Variants in GALNTL6 observed in about 807,000 individuals in gnomAD.
GALNTL6 encodes the protein polypeptide N-acetylgalactosaminyltransferase-like 6.
Under a neutral mutation model 73.7 loss-of-function variants are expected in GALNTL6, and 46 were observed. The ratio of observed to expected loss-of-function variants is 0.62; its 90% CI spans 0.49 to 0.80. The LOEUF is 0.80. Ranked by LOEUF, GALNTL6 falls within the 30% of genes least tolerant of loss-of-function variation. GALNTL6 has a pLI of 0.00. For synonymous variants in GALNTL6, 259 were observed against 263.7 expected, an observed-to-expected ratio of 0.98 and a Z score of 0.17; for missense variants, 604 against 755.0, an observed-to-expected ratio of 0.80 and a Z score of 2.34.
chr4:172,054,723 C>A (rs1376795495), intron 2 of GALNTL6, among the ~76,000 whole-genome samples: 3 of 152,144 alleles, frequency 2.0e-5, no homozygotes, highest in Non-Finnish European at 4.4e-5. Context: ...CATAAACATT[C>A]AGTTTAAAGT....
At chr4:172,624,652 C>T (rs1739093121) in intron 5 of GALNTL6, among the ~76,000 whole-genome samples, 1 of 152,034 alleles carries the variant, frequency 6.6e-6, no homozygotes, top group African/African-American at 2.4e-5. Flanking sequence ...TAACAAGTAT[C>T]TACTGCTCTG....
intron 3 of GALNTL6, among the ~76,000 whole-genome samples, chr4:172,300,464 A>G (rs550854157): frequency 3.3e-5 from 5 of 152,174 alleles, no homozygotes; most frequent in African/African-American, 1.2e-4. Flanking sequence ...TCTTCCTACC[A>G]TTGATGGTCT....
At chr4:171,909,591 A>G (rs1737410553) in intron 2 of GALNTL6, among the ~76,000 whole-genome samples, 1 of 152,178 alleles carries the variant, frequency 6.6e-6, no homozygotes, top group Non-Finnish European at 1.5e-5. Flanking sequence ...GTAACTGAGG[A>G]CGGTAGAAAA....
chr4:172,331,438 C>T (rs1741123082), intron 4 of GALNTL6, among the ~76,000 whole-genome samples: 2 of 152,264 alleles, frequency 1.3e-5, no homozygotes, highest in African/African-American at 2.4e-5. Flanking sequence ...GTATACAATA[C>T]ATTATTGTTG....
At chr4:172,719,266 C>T (rs114457155) in intron 5 of GALNTL6, among the ~76,000 whole-genome samples, 4 of 152,136 alleles carry the variant, frequency 2.6e-5, no homozygotes, top group Non-Finnish European at 5.9e-5. Flanking sequence ...TCAAAATGCA[C>T]ACATAGTAAA....
chr4:172,566,313 A>G (rs181865924), intron 5 of GALNTL6, among the ~76,000 whole-genome samples: 24 of 152,318 alleles, frequency 1.6e-4, no homozygotes. Flanking sequence ...GTCTTAACAC[A>G]TTTAAGATTG....
intron 2 of GALNTL6, among the ~76,000 whole-genome samples, chr4:171,912,525 A>G (rs1737505593): frequency 6.6e-6 from 1 of 152,228 alleles, no homozygotes; most frequent in African/African-American, 2.4e-5. Flanking sequence ...ATGCATCACC[A>G]CAAACATGTA....
At chr4:172,275,753 T>C (rs1277509459) in intron 3 of GALNTL6, among the ~76,000 whole-genome samples, 1 of 152,128 alleles carries the variant, frequency 6.6e-6, no homozygotes, top group East Asian at 1.9e-4. Flanking sequence ...GGTCAAAAGT[T>C]GGACACCAGC....
chr4:171,922,365 T>C (rs983075792), intron 2 of GALNTL6, among the ~76,000 whole-genome samples: 2 of 152,140 alleles, frequency 1.3e-5, no homozygotes, highest in Non-Finnish European at 2.9e-5. Context: ...TAATTCATCA[T>C]TTATAACAAC....
chr4:171,870,118 C>T (rs1472071094), intron 2 of GALNTL6, among the ~76,000 whole-genome samples: 2 of 152,126 alleles, frequency 1.3e-5, no homozygotes, highest in African/African-American at 2.4e-5. Context: ...AGGACGTATT[C>T]GCTTCTTCTT....
intron 5 of GALNTL6, among the ~76,000 whole-genome samples, chr4:172,713,581 G>A (rs181008954): frequency 6.6e-6 from 1 of 152,104 alleles, no homozygotes; most frequent in Middle Eastern, 3.4e-3. Flanking sequence ...TGGTCACTGT[G>A]GCCCAAACAT....
chr4:172,227,239 T>C (rs771348403), intron 2 of GALNTL6, among the ~76,000 whole-genome samples: 7 of 152,194 alleles, frequency 4.6e-5, no homozygotes, highest in Non-Finnish European at 8.8e-5. Context: ...AATTCCTCCA[T>C]CTCTTATGTA....
chr4:172,131,424 TATATACAC>T (rs1055535191), intron 2 of GALNTL6, among the ~76,000 whole-genome samples: 5 of 99,952 alleles, frequency 5.0e-5, no homozygotes, highest in African/African-American at 7.8e-5. Flanking sequence ...TATATATATA[TATATACAC>T]ACACACACAC....
At chr4:171,934,605 A>C (rs777777412) in intron 2 of GALNTL6, among the ~76,000 whole-genome samples, 2 of 151,968 alleles carry the variant, frequency 1.3e-5, no homozygotes, top group Non-Finnish European at 2.9e-5. Flanking sequence ...TTGTAGAGAC[A>C]GGGTTATACC....
chr4:172,182,073 A>G (rs1735265116), intron 2 of GALNTL6, among the ~76,000 whole-genome samples: 1 of 152,178 alleles, frequency 6.6e-6, no homozygotes, highest in Non-Finnish European at 1.5e-5. Context: ...TCAGGATACA[A>G]AATCAATGTG....
At chr4:172,261,650 G>C (rs555704859) in intron 3 of GALNTL6, among the ~76,000 whole-genome samples, 1 of 150,836 alleles carries the variant, frequency 6.6e-6, no homozygotes, top group Non-Finnish European at 1.5e-5. Flanking sequence ...TTTGTTTTTG[G>C]TTTATTCTTG....
At chr4:172,077,799 T>C (rs1353275703) in intron 2 of GALNTL6, among the ~76,000 whole-genome samples, 1 of 151,892 alleles carries the variant, frequency 6.6e-6, no homozygotes, top group Admixed American at 6.6e-5. Flanking sequence ...AAGGGGAAAA[T>C]CTCTCTAGGG....
At chr4:172,942,307 T>A (rs1748954069) in intron 9 of GALNTL6, among the ~76,000 whole-genome samples, 1 of 152,206 alleles carries the variant, frequency 6.6e-6, no homozygotes, top group Admixed American at 6.5e-5. Context: ...CAAGGTCTAT[T>A]AATAATAATT....
intron 2 of GALNTL6, among the ~76,000 whole-genome samples, chr4:171,830,243 A>G (rs866461590): frequency 6.6e-6 from 1 of 152,106 alleles, no homozygotes; most frequent in African/African-American, 2.4e-5. Context: ...CAACACCTTG[A>G]TTTCAGATTT....
Sources: gnomAD v4.1 joint callset for allele counts (sites outside exome capture counted in the v4.1 genomes callset) on GRCh38, gnomAD v4.1.1 for gene constraint, MANE v1.5 for transcripts, NCBI Gene and HGNC (gene_info 2026-07-23, HGNC 2026-07-21) for gene names.